Variants in STAT4 observed in about 807,000 individuals in gnomAD.
STAT4 encodes the protein signal transducer and activator of transcription 4.
A neutral mutation model predicts 110.5 loss-of-function variants in STAT4; 42 were observed. The ratio of observed to expected loss-of-function variants is 0.38; its 90% CI spans 0.30 to 0.49. The LOEUF is 0.49. Ranked by LOEUF, STAT4 falls within the 20% of genes least tolerant of loss-of-function variation. The pLI, the probability that STAT4 is intolerant of heterozygous loss-of-function variation, is 0.95. For missense variants in STAT4, 632 were observed against 887.9 expected, an observed-to-expected ratio of 0.71 and a Z score of 3.66; for synonymous variants, 284 against 302.2, an observed-to-expected ratio of 0.94 and a Z score of 0.63.
chr2:191,105,490 C>T (rs1346216182), intron 3 of STAT4, among the ~76,000 whole-genome samples: 1 of 152,164 alleles, frequency 6.6e-6, no homozygotes, highest in African/African-American at 2.4e-5. Flanking sequence ...ATCAGATTAT[C>T]TTAAACAGTA....
intron 3 of STAT4, among the ~76,000 whole-genome samples, chr2:191,125,738 C>T (rs1698865884): frequency 6.6e-6 from 1 of 152,010 alleles, no homozygotes; most frequent in Admixed American, 6.6e-5. Context: ...CCCACCTCAG[C>T]CTCCCAAAGT....
At chr2:191,129,677 T>C (rs1192874791) in intron 3 of STAT4, among the ~76,000 whole-genome samples, 2 of 152,194 alleles carry the variant, frequency 1.3e-5, no homozygotes, top group Non-Finnish European at 2.9e-5. Flanking sequence ...ACCGCCAGAA[T>C]GAGCTTTTTA....
At position 191,099,007 on chromosome 2, in the gene STAT4, A is replaced by G. The variant is rs973430536; in HGVS notation, c.274-22682T>C. 6.6e-6 allele frequency among the ~76,000 whole-genome samples: 1 copy of G among 151,832 alleles called. No homozygotes were observed. Among genetic ancestry groups the G allele is most frequent in the Admixed American group, 6.6e-5 (1 of 15,260 alleles). On this transcript the variant is annotated intron_variant, in intron 3 of 23. Transcript: ENST00000392320. The surrounding 1 kb of genome is among the most constrained non-coding windows in gnomAD (Gnocchi z 4.1). ...TTCTTTTAAGTAATATTTTTAATGT[A>G]GATAAGAGCCCTTTGAAATTGATTT... is the stretch of plus-strand genomic sequence containing the variant.
In STAT4 at chr2:191,135,945, T is replaced by C. The variant is rs1234873074; in HGVS notation, c.273+10668A>G. Among the ~76,000 whole-genome samples, 1 of 147,620 alleles carries C rather than the reference T, an allele frequency of 6.8e-6. No homozygotes were observed. Among genetic ancestry groups the C allele is most frequent in the Non-Finnish European group, 1.5e-5 (1 of 67,622 alleles). On this transcript the variant is annotated intron_variant, in intron 3 of 23. Transcript: ENST00000392320. This position sits in a 1 kb window ranked among gnomAD's most constrained non-coding sequence, Gnocchi z 4.8. ...GACAACTACAGGCCAATATCCCTGA[T>C]GAATACTGATGCAAAATTTGTCAAC...
rs1163357577 is a variant in STAT4 at position 191,030,812 on chromosome 2, G to A, written c.2220+160C>T. On this transcript the variant is annotated intron_variant, in intron 23 of 23. Coordinates refer to ENST00000392320, the MANE Select transcript of STAT4 (RefSeq NM_003151.4). This position sits in a 1 kb window ranked among gnomAD's most constrained non-coding sequence, Gnocchi z 4.4. ...TCAATACGCATAATATCAGCAACACGCAGGACCATCCAGACACCTTTTGTG... is the reference window on the plus strand; with the variant it reads ...TCAATACGCATAATATCAGCAACACACAGGACCATCCAGACACCTTTTGTG... The A allele has an allele frequency of 2.1e-5, 13 of 620,956 alleles. 1 individual carries two copies. In the East Asian group the frequency reaches 2.3e-4, roughly 11 times the overall value. The allele number at this position is 620,956 out of a possible 1,614,324, so 38.5% of individuals were successfully genotyped here.
chr2:191,121,791 G>T (rs1462588046), intron 3 of STAT4, among the ~76,000 whole-genome samples: 1 of 134,758 alleles, frequency 7.4e-6, no homozygotes, highest in African/African-American at 2.8e-5. Context: ...GGAAGGGGGA[G>T]GGGGGAGGGA....
chr2:191,134,176 C>T (rs1699118210), intron 3 of STAT4, among the ~76,000 whole-genome samples: 1 of 152,194 alleles, frequency 6.6e-6, no homozygotes, highest in Admixed American at 6.5e-5. Flanking sequence ...CCCACATGTG[C>T]TACCTATAGG....
intron 3 of STAT4, among the ~76,000 whole-genome samples, chr2:191,120,921 G>C (rs1189900258): frequency 1.3e-5 from 2 of 152,182 alleles, no homozygotes; most frequent in Non-Finnish European, 1.5e-5. Flanking sequence ...ATTGACAAAT[G>C]GGATCTCATT....
chr2:191,114,280 T>C (rs558537673), intron 3 of STAT4, among the ~76,000 whole-genome samples: 93 of 152,268 alleles, frequency 6.1e-4, no homozygotes, highest in African/African-American at 2.1e-3. Context: ...CATAAATCAA[T>C]AGAATGTCCC....
At position 191,058,702 on chromosome 2, in the gene STAT4, A is replaced by C; in HGVS notation, c.1094+8T>G. The C allele has an allele frequency of 1.3e-6, 2 of 1,563,768 alleles. No individual in the cohort carries two copies. Among genetic ancestry groups the C allele is most frequent in the Non-Finnish European group, 1.7e-6 (2 of 1,149,828 alleles). On this transcript the variant is annotated splice_region_variant and intron_variant, in intron 11 of 23. Coordinates refer to ENST00000392320, the MANE Select transcript of STAT4 (RefSeq NM_003151.4). This position sits in a 1 kb window ranked among gnomAD's most constrained non-coding sequence, Gnocchi z 4.3. ...AATTGTAATTCAAAACGAAATTAGA[A>C]AACTTACTTGTCAATTGATGCCTTA...
At chr2:191,092,320 C>T (rs1388982530) in intron 3 of STAT4, among the ~76,000 whole-genome samples, 1 of 152,138 alleles carries the variant, frequency 6.6e-6, no homozygotes, top group East Asian at 1.9e-4. Context: ...AGGAAACTTG[C>T]TTGAACCCGG....
chr2:191,108,633 G>T (rs1443106210), intron 3 of STAT4, among the ~76,000 whole-genome samples: 1 of 152,292 alleles, frequency 6.6e-6, no homozygotes, highest in East Asian at 1.9e-4. Flanking sequence ...AAAGCACATG[G>T]ATTTTTCTTA....
In STAT4 at chr2:191,104,779, G is replaced by T. The variant is rs150936889; in HGVS notation, c.274-28454C>A. On this transcript the variant is annotated intron_variant, in intron 3 of 23. Transcript: ENST00000392320. The surrounding 1 kb of genome is among the most constrained non-coding windows in gnomAD (Gnocchi z 4.3). ...CTCTCTATTACTCTTTTATTTTGCT[G>T]CCAACTGGTAAAAACTTTATTAAGG... 2.7e-3 allele frequency among the ~76,000 whole-genome samples: 404 copies of T among 152,122 alleles called. 3 individuals are homozygous for T. Among genetic ancestry groups the T allele is most frequent in the African/African-American group, 9.2e-3 (383 of 41,482 alleles).
In STAT4 at chr2:191,082,767, GA is replaced by G. The variant is rs1316445505; in HGVS notation, c.274-6443del. On this transcript the variant is annotated intron_variant, in intron 3 of 23. Coordinates refer to ENST00000392320, the MANE Select transcript of STAT4 (RefSeq NM_003151.4). The surrounding 1 kb of genome is among the most constrained non-coding windows in gnomAD (Gnocchi z 4.7). ...CTTCCAAATGGTCCAAGAAGTTCCA[GA>G]GTCAGAAGTAATAGATGTGAGAAGC... 2.0e-5 allele frequency among the ~76,000 whole-genome samples: 3 copies of G among 152,114 alleles called. No individual in the cohort carries two copies. Among genetic ancestry groups the G allele is most frequent in the African/African-American group, 7.2e-5 (3 of 41,424 alleles).
chr2:191,093,077 G>A (rs576292642), intron 3 of STAT4, among the ~76,000 whole-genome samples: 57 of 152,314 alleles, frequency 3.7e-4, no homozygotes, highest in Non-Finnish European at 7.5e-4. Flanking sequence ...CAACAGATCT[G>A]CAAGGCCTGC....
chr2:191,041,713 G>A (rs1696203408), intron 14 of STAT4: 1 of 151,660 alleles, frequency 6.6e-6, no homozygotes, highest in African/African-American at 2.4e-5. Flanking sequence ...GGGGAGTGTA[G>A]AGTAAGGGTA....
At chr2:191,054,685 G>A (rs1696626897) in intron 13 of STAT4, 151 bp from the exon 14 acceptor site, 5 of 646,358 alleles carry the variant, frequency 7.7e-6, no homozygotes, top group East Asian at 5.7e-5. Flanking sequence ...TGACACAACT[G>A]CCCAGATTTG....
chr2:191,108,612 T>C (rs377319367), intron 3 of STAT4, among the ~76,000 whole-genome samples: 6 of 152,220 alleles, frequency 3.9e-5, no homozygotes, highest in South Asian at 2.1e-4. Context: ...ATGCAAGTTA[T>C]ACAGAGCTTA....
Position 191,140,592 on chromosome 2 carries a change from T to C in STAT4, c.273+6021A>G, listed in dbSNP as rs1036993589. 1.3e-5 allele frequency among the ~76,000 whole-genome samples: 2 copies of C among 152,048 alleles called. No homozygotes were observed. The highest frequency in any genetic ancestry group is 4.8e-5 in the African/African-American group (2 of 41,414). ...CCATAATGAAAAAGTCAAAAACCAA[T>C]AGACGCTGGCATGGATGTAGTGAAA... is the stretch of plus-strand genomic sequence containing the variant. On this transcript the variant is annotated intron_variant, in intron 3 of 23. Transcript: ENST00000392320. The surrounding 1 kb of genome is among the most constrained non-coding windows in gnomAD (Gnocchi z 4.4).
Sources: gnomAD v4.1 joint callset for allele counts (sites outside exome capture counted in the v4.1 genomes callset) on GRCh38, gnomAD v4.1.1 for gene constraint, Gnocchi (gnomAD v3.1) non-coding constraint, MANE v1.5 for transcripts, NCBI Gene and HGNC (gene_info 2026-07-23, HGNC 2026-07-21) for gene names.